The following PARD3B variants were observed in gnomAD, a reference collection of about 807,000 sequenced individuals.
PARD3B encodes the protein par-3 family cell polarity regulator beta.
A neutral mutation model predicts 130.2 loss-of-function variants in PARD3B; 103 were observed. The observed-to-expected ratio is 0.79, with a 90% CI of 0.67 to 0.93. The LOEUF (loss-of-function observed/expected upper bound fraction) is 0.93. Ranked by LOEUF, PARD3B falls within the 40% of genes least tolerant of loss-of-function variation. The probability of loss-of-function intolerance (pLI) is 0.00; values close to 1 mark genes in which losing one functional copy is unlikely to be tolerated. For missense variants in PARD3B, 1,609 were observed against 1,499.2 expected, an observed-to-expected ratio of 1.07 and a Z score of -1.21; for synonymous variants, 583 against 553.2, an observed-to-expected ratio of 1.05 and a Z score of -0.76.
chr2:205,270,643 C>G (rs1282319948), intron 16 of PARD3B, among the ~76,000 whole-genome samples: 1 of 151,966 alleles, frequency 6.6e-6, no homozygotes, highest in Non-Finnish European at 1.5e-5. Context: ...GTTCCTGTTT[C>G]TCACCTAGTA....
intron 2 of PARD3B, among the ~76,000 whole-genome samples, chr2:204,710,477 G>C (rs2038380401): frequency 6.6e-6 from 1 of 152,214 alleles, no homozygotes; most frequent in African/African-American, 2.4e-5. Flanking sequence ...TTAAGAGCTG[G>C]ACTTGCAGTC....
chr2:205,430,356 ACTC>A (rs1408199594), intron 19 of PARD3B, among the ~76,000 whole-genome samples: 2 of 152,120 alleles, frequency 1.3e-5, no homozygotes, highest in Non-Finnish European at 1.5e-5. Flanking sequence ...CTACCAGAGT[ACTC>A]CTCCTCAAAA....
chr2:204,920,131 A>G lies in PARD3B; in HGVS notation c.223-45021A>G, dbSNP rs573835964. On this transcript the variant is annotated intron_variant, in intron 2 of 22. Coordinates refer to ENST00000406610, the MANE Select transcript of PARD3B (RefSeq NM_001302769.2). ...TAATTCTGTATCTATTGCCCCCTTC[A>G]GTTGAGAGTATGGCAAAACAAAAAG... is the stretch of plus-strand genomic sequence containing the variant. Among the ~76,000 whole-genome samples the G allele has an allele frequency of 1.2e-4, 18 of 152,332 alleles. 1 individual carries two copies. The South Asian group carries it at 3.7e-3, about 32-fold the overall frequency.
At chr2:205,557,398 C>A (rs1221495093) in intron 22 of PARD3B, among the ~76,000 whole-genome samples, 1 of 152,200 alleles carries the variant, frequency 6.6e-6, no homozygotes, top group Non-Finnish European at 1.5e-5. Context: ...TGGAGGTGAT[C>A]TCACTTCCTT....
chr2:205,495,593 C>A (rs2049895992), intron 20 of PARD3B, among the ~76,000 whole-genome samples: 1 of 152,076 alleles, frequency 6.6e-6, no homozygotes, highest in Non-Finnish European at 1.5e-5. Flanking sequence ...TTCCATGAAG[C>A]AAGGAATATA....
chr2:205,326,684 A>G (rs1051052746), intron 18 of PARD3B, among the ~76,000 whole-genome samples: 1 of 152,164 alleles, frequency 6.6e-6, no homozygotes, highest in African/African-American at 2.4e-5. Context: ...GTAATTAAAT[A>G]ATTACCTTTG....
intron 4 of PARD3B, among the ~76,000 whole-genome samples, chr2:205,088,933 G>A (rs916109946): frequency 1.3e-5 from 2 of 149,426 alleles, no homozygotes; most frequent in African/African-American, 4.9e-5. Context: ...AGCTGGGATG[G>A]GACTACAGGT....
At chr2:205,449,402 T>C (rs1165332816) in intron 20 of PARD3B, among the ~76,000 whole-genome samples, 1 of 151,768 alleles carries the variant, frequency 6.6e-6, no homozygotes, top group African/African-American at 2.4e-5. Context: ...GCTAATTTTT[T>C]GTATTTTTAG....
chr2:204,827,160 G>A (rs1381495109), intron 2 of PARD3B, among the ~76,000 whole-genome samples: 1 of 152,126 alleles, frequency 6.6e-6, no homozygotes, highest in African/African-American at 2.4e-5. Flanking sequence ...CATTATTTGT[G>A]TAAAATTTGA....
intron 20 of PARD3B, among the ~76,000 whole-genome samples, chr2:205,465,398 C>A (rs146080247): frequency 6.6e-6 from 1 of 152,112 alleles, no homozygotes; most frequent in African/African-American, 2.4e-5. Context: ...AGGATTTGTA[C>A]GCCTGAATAA....
At position 204,826,993 on chromosome 2, in the gene PARD3B, C is replaced by T. The variant is rs183203964; in HGVS notation, c.223-138159C>T. ...TATGATCATGCCACTGCACTTTAGC[C>T]TGGGTGACAGAGCAAGACTCTGTCT... is the stretch of plus-strand genomic sequence containing the variant. On this transcript the variant is annotated intron_variant, in intron 2 of 22. Coordinates refer to ENST00000406610, the MANE Select transcript of PARD3B (RefSeq NM_001302769.2). Among the ~76,000 whole-genome samples, 6 of 152,260 alleles carry T rather than the reference C, an allele frequency of 3.9e-5. No homozygotes were observed. In the South Asian group the frequency reaches 6.2e-4, roughly 16 times the overall value.
intron 18 of PARD3B, among the ~76,000 whole-genome samples, chr2:205,399,973 C>T (rs1357102814): frequency 6.6e-6 from 1 of 152,074 alleles, no homozygotes; most frequent in Non-Finnish European, 1.5e-5. Flanking sequence ...AGGTCTTGGT[C>T]AAGGTTCGAC....
chr2:205,588,850 T>G (rs2054287150), intron 22 of PARD3B, among the ~76,000 whole-genome samples: 1 of 152,250 alleles, frequency 6.6e-6, no homozygotes, highest in South Asian at 2.1e-4. Flanking sequence ...TGCTGTTCCC[T>G]GGCAAACTCC....
At chr2:204,933,174 C>T (rs1262489799) in intron 2 of PARD3B, among the ~76,000 whole-genome samples, 1 of 152,108 alleles carries the variant, frequency 6.6e-6, no homozygotes, top group Non-Finnish European at 1.5e-5. Flanking sequence ...TTGTAGGGCC[C>T]TGTGCACATC....
At chr2:205,228,255 A>T (rs2038663326) in intron 15 of PARD3B, among the ~76,000 whole-genome samples, 1 of 152,198 alleles carries the variant, frequency 6.6e-6, no homozygotes, top group African/African-American at 2.4e-5. Flanking sequence ...TTCAGATTGA[A>T]GAACTCCCTT....
At chr2:205,221,911 C>G (rs1317072095) in intron 15 of PARD3B, among the ~76,000 whole-genome samples, 1 of 151,914 alleles carries the variant, frequency 6.6e-6, no homozygotes, top group Non-Finnish European at 1.5e-5. Context: ...ACATTATATG[C>G]TGGACACATA....
At chr2:204,657,965 AC>A (rs2035691968) in intron 1 of PARD3B, among the ~76,000 whole-genome samples, 1 of 152,174 alleles carries the variant, frequency 6.6e-6, no homozygotes, top group African/African-American at 2.4e-5. Flanking sequence ...TCAAGTATTT[AC>A]TGACACTCTT....
intron 15 of PARD3B, among the ~76,000 whole-genome samples, chr2:205,199,770 A>G (rs1349420118): frequency 2.6e-5 from 4 of 152,120 alleles, no homozygotes; most frequent in African/African-American, 7.2e-5. Flanking sequence ...CTGCCAGGCA[A>G]TGGAAAACTA....
At chr2:205,203,768 C>T (rs1039288697) in intron 15 of PARD3B, among the ~76,000 whole-genome samples, 5 of 152,178 alleles carry the variant, frequency 3.3e-5, no homozygotes, top group Non-Finnish European at 7.3e-5. Context: ...CATGTCCCTG[C>T]AAAGTTCATG....
Sources: gnomAD v4.1 joint callset for allele counts (sites outside exome capture counted in the v4.1 genomes callset) on GRCh38, gnomAD v4.1.1 for gene constraint, MANE v1.5 for transcripts, NCBI Gene and HGNC (gene_info 2026-07-23, HGNC 2026-07-21) for gene names.